Variants in TMEM38A observed in about 807,000 individuals in gnomAD.
TMEM38A encodes the protein transmembrane protein 38A.
A neutral mutation model predicts 28.6 loss-of-function variants in TMEM38A; 17 were observed. That is an observed-to-expected ratio of 0.60 (90% CI 0.41 to 0.89). TMEM38A has a LOEUF of 0.89. Ranked by LOEUF, TMEM38A falls within the 40% of genes least tolerant of loss-of-function variation. The pLI is 0.00. For synonymous variants in TMEM38A, 169 were observed against 166.1 expected (o/e 1.02, Z -0.14); for missense variants, 328 against 393.1 (o/e 0.83, Z 1.40).
intron 5 of TMEM38A, among the ~76,000 whole-genome samples, chr19:16,687,836 G>C (rs1038457652): frequency 6.6e-6 from 1 of 152,152 alleles, no homozygotes; most frequent in Non-Finnish European, 1.5e-5. Context: ...CTTCAGACCT[G>C]CACTTAGCAC....
rs1282022234 is a variant in TMEM38A at position 16,680,630 on chromosome 19, G to A, written c.466+49G>A. 1.9e-6 allele frequency: 3 copies of A among 1,591,340 alleles called. No individual in the cohort carries two copies. The South Asian group carries it at 3.3e-5, about 18-fold the overall frequency. ...AAATCATCCCAGTGGAGAACTTTTGGTTCAGTGGTACTACCAGGCACCCCA... is the reference window on the plus strand; with the variant it reads ...AAATCATCCCAGTGGAGAACTTTTGATTCAGTGGTACTACCAGGCACCCCA... On this transcript the variant is annotated intron_variant, in intron 3 of 5. Coordinates refer to ENST00000187762, the MANE Select transcript of TMEM38A (RefSeq NM_024074.4).
At chr19:16,678,410 A>G (rs531896276) in intron 1 of TMEM38A, among the ~76,000 whole-genome samples, 30 of 146,142 alleles carry the variant, frequency 2.1e-4, no homozygotes, top group Non-Finnish European at 3.3e-4. Context: ...GCCTGGTGAC[A>G]GAGTGAGACT....
chr19:16,671,192 G>T (rs990570476), intron 1 of TMEM38A, among the ~76,000 whole-genome samples: 1 of 130,512 alleles, frequency 7.7e-6, no homozygotes, highest in African/African-American at 3.4e-5. Context: ...AAAGGGGAAA[G>T]GACCTGGGCT....
At chr19:16,685,739 A>G (rs1449322316) in intron 4 of TMEM38A, among the ~76,000 whole-genome samples, 1 of 152,216 alleles carries the variant, frequency 6.6e-6, no homozygotes, top group Non-Finnish European at 1.5e-5. Context: ...AAACAAAGAC[A>G]GTCTTATCAA....
chr19:16,688,387 G>A lies in TMEM38A; in HGVS notation c.*16G>A. 1 of 1,538,622 alleles carries A rather than the reference G, an allele frequency of 6.5e-7. No homozygotes were observed. Among genetic ancestry groups the A allele is most frequent in the Non-Finnish European group, 8.7e-7 (1 of 1,145,412 alleles). On this transcript the variant is annotated 3_prime_UTR_variant, in exon 6 of 6. Coordinates refer to ENST00000187762, the MANE Select transcript of TMEM38A (RefSeq NM_024074.4). ...GGCGGATTAGGGGGTGGCCCAAGGG[G>A]CACCGGGGAGAGGACCCGGACCCAG...
chr19:16,673,811 C>T (rs532676608), intron 1 of TMEM38A, among the ~76,000 whole-genome samples: 2 of 152,148 alleles, frequency 1.3e-5, no homozygotes, highest in African/African-American at 2.4e-5. Flanking sequence ...ATGCGCAGGC[C>T]TGCTGGTGGC....
rs538628487 is a variant in TMEM38A at position 16,688,246 on chromosome 19, CACG to C, written c.778_780del (p.Asp260del). 12,111 of 1,600,702 alleles carry C rather than the reference CACG, an allele frequency of 7.6e-3. 66 individuals carry two copies. Among genetic ancestry groups the C allele is most frequent in the Non-Finnish European group, 9.1e-3 (10,709 of 1,173,228 alleles). ...TTCGGCCTGCGGGGGTGACCATCAC[CACG>C]ACAACCATGGTGGGTCCCACAGCGG... On this transcript the variant is annotated inframe_deletion, in exon 6 of 6. Transcript: ENST00000187762.
intron 1 of TMEM38A, among the ~76,000 whole-genome samples, chr19:16,677,898 C>A (rs1385278621): frequency 3.9e-5 from 6 of 152,066 alleles, no homozygotes; most frequent in Admixed American, 3.9e-4. Flanking sequence ...GGGGATGAAG[C>A]TTGAGGACAT....
At chr19:16,686,217 G>A in intron 4 of TMEM38A, 71 bp from the exon 5 acceptor site, 1 of 1,110,828 alleles carries the variant, frequency 9.0e-7, no homozygotes, top group Non-Finnish European at 1.3e-6. Context: ...GGGCAGGGGG[G>A]TGTCTGGGCC....
intron 1 of TMEM38A, among the ~76,000 whole-genome samples, chr19:16,676,948 A>G (rs1214888134): frequency 3.3e-5 from 5 of 151,404 alleles, no homozygotes; most frequent in African/African-American, 1.2e-4. Flanking sequence ...TTTAGTAGAG[A>G]TGAGGTTTCA....
chr19:16,686,797 G>T (rs981186796), intron 5 of TMEM38A, among the ~76,000 whole-genome samples: 3 of 152,166 alleles, frequency 2.0e-5, no homozygotes, highest in African/African-American at 7.2e-5. Flanking sequence ...GGGGTCTTCA[G>T]GGGCTGGGCT....
intron 1 of TMEM38A, among the ~76,000 whole-genome samples, chr19:16,663,341 A>C (rs2122571955): frequency 6.6e-6 from 1 of 151,880 alleles, no homozygotes; most frequent in Middle Eastern, 3.4e-3. Context: ...TAGGACACAA[A>C]TGTCTTGAGA....
intron 1 of TMEM38A, among the ~76,000 whole-genome samples, chr19:16,662,532 C>T (rs2122570921): frequency 6.9e-6 from 1 of 145,864 alleles, no homozygotes. Flanking sequence ...CGGCTCACTG[C>T]AACCTCCACC....
intron 5 of TMEM38A, 64 bp downstream of exon 5, chr19:16,686,469 G>T (rs2086802613): frequency 1.4e-6 from 2 of 1,385,770 alleles, no homozygotes; most frequent in Non-Finnish European, 2.0e-6. Flanking sequence ...CCTCCAGGTT[G>T]GGAGTGGGGA....
At chr19:16,665,289 C>A (rs963537240) in intron 1 of TMEM38A, among the ~76,000 whole-genome samples, 2 of 151,586 alleles carry the variant, frequency 1.3e-5, no homozygotes, top group Admixed American at 1.3e-4. Flanking sequence ...AATGAAACTC[C>A]GTCTCAATAA....
intron 4 of TMEM38A, among the ~76,000 whole-genome samples, chr19:16,685,378 T>C (rs1278526937): frequency 6.6e-6 from 1 of 152,046 alleles, no homozygotes. Context: ...AGAATGAGAC[T>C]CTGACTCATA....
At chr19:16,673,876 C>G (rs2086738121) in intron 1 of TMEM38A, among the ~76,000 whole-genome samples, 1 of 149,232 alleles carries the variant, frequency 6.7e-6, no homozygotes, top group Admixed American at 6.7e-5. Context: ...TCATTTGAAG[C>G]CAGGAGTTCA....
intron 1 of TMEM38A, among the ~76,000 whole-genome samples, chr19:16,678,247 G>A (rs766574963): frequency 4.6e-5 from 7 of 152,024 alleles, no homozygotes; most frequent in African/African-American, 1.7e-4. Context: ...TGGCCAACAT[G>A]GTGAACCCCC....
intron 1 of TMEM38A, among the ~76,000 whole-genome samples, chr19:16,677,741 A>C (rs903617633): frequency 3.9e-5 from 6 of 152,118 alleles, no homozygotes; most frequent in African/African-American, 1.4e-4. Context: ...AATTTTTTGC[A>C]GAGGTGGGGT....
Sources: allele counts gnomAD v4.1 joint callset (sites outside exome capture counted in the v4.1 genomes callset), GRCh38; gene constraint gnomAD v4.1.1; transcripts MANE v1.5; gene names NCBI Gene and HGNC (gene_info 2026-07-23, HGNC 2026-07-21).